Variants in ZBTB7C observed in about 807,000 individuals in gnomAD.
ZBTB7C encodes the protein zinc finger and BTB domain-containing protein 7C.
ZBTB7C carries 8 observed loss-of-function variants against 25.7 expected under a neutral mutation model. The observed-to-expected ratio is 0.31, with a 90% CI of 0.18 to 0.56. The LOEUF is 0.56. Among genes scored for constraint, ZBTB7C ranks in the 20% least tolerant of loss-of-function variants. ZBTB7C has a pLI of 0.91. For missense variants in ZBTB7C, 824 were observed against 855.2 expected, an observed-to-expected ratio of 0.96 and a Z score of 0.46; for synonymous variants, 394 against 369.0, an observed-to-expected ratio of 1.07 and a Z score of -0.78.
intron 2 of ZBTB7C, among the ~76,000 whole-genome samples, chr18:48,267,774 TAC>T (rs749622205): frequency 1.1e-4 from 17 of 152,120 alleles, no homozygotes; most frequent in Admixed American, 3.3e-4. Flanking sequence ...CCCTGACCCT[TAC>T]ACCACGTGAG....
intron 3 of ZBTB7C, among the ~76,000 whole-genome samples, chr18:48,184,801 G>A (rs1159940851): frequency 2.1e-5 from 3 of 140,470 alleles, no homozygotes; most frequent in East Asian, 2.2e-4. Context: ...GCCCTTGGCT[G>A]CAGCTGTGTG....
At chr18:48,336,849 T>G (rs1024751570) in intron 2 of ZBTB7C, among the ~76,000 whole-genome samples, 3 of 152,044 alleles carry the variant, frequency 2.0e-5, no homozygotes, top group African/African-American at 7.2e-5. Context: ...CTTGCCCCAC[T>G]GAGAGGTGGG....
intron 3 of ZBTB7C, among the ~76,000 whole-genome samples, chr18:48,114,485 C>T (rs6507813): frequency 0.41 from 62,452 of 151,772 alleles, 13,329 homozygotes; most frequent in Middle Eastern, 0.51. Flanking sequence ...CCTGTAATCC[C>T]AGCTACTCGG....
chr18:48,191,201 A>G (rs377352926), intron 2 of ZBTB7C, among the ~76,000 whole-genome samples: 49 of 152,212 alleles, frequency 3.2e-4, no homozygotes, highest in African/African-American at 9.9e-4. Context: ...GTGGAAGATG[A>G]GCACATGGCC....
chr18:48,388,112 C>T (rs1426840227), intron 1 of ZBTB7C, among the ~76,000 whole-genome samples: 2 of 152,180 alleles, frequency 1.3e-5, no homozygotes, highest in African/African-American at 4.8e-5. Flanking sequence ...CAGGCGTTAG[C>T]CACTGCACCT....
intron 3 of ZBTB7C, among the ~76,000 whole-genome samples, chr18:48,124,270 G>A (rs557668995): frequency 2.0e-5 from 3 of 152,344 alleles, no homozygotes; most frequent in East Asian, 1.9e-4. Context: ...GATGGCAGGC[G>A]GTGGGAATGG....
rs182972267 is a variant in ZBTB7C at position 48,069,479 on chromosome 18, G to C, written c.-16-28356C>G. On this transcript the variant is annotated intron_variant, in intron 3 of 4. Transcript: ENST00000590800. ...TCTTCTGTGTCTTCCCCTGGACTGT[G>C]AGCAGACAGAGGACAGGCTGGGCAT... 2.4e-3 allele frequency among the ~76,000 whole-genome samples: 364 copies of C among 152,290 alleles called. 1 individual carries two copies. Among genetic ancestry groups the C allele is most frequent in the Admixed American group, 5.3e-3 (81 of 15,304 alleles).
chr18:48,145,024 G>A (rs1450907443), intron 3 of ZBTB7C, among the ~76,000 whole-genome samples: 3 of 152,108 alleles, frequency 2.0e-5, no homozygotes, highest in Non-Finnish European at 4.4e-5. Flanking sequence ...CTTTGGGGAG[G>A]CCTCTGCTCT....
chr18:48,045,492 C>A (rs565416729), intron 3 of ZBTB7C, among the ~76,000 whole-genome samples: 1 of 152,316 alleles, frequency 6.6e-6, no homozygotes, highest in African/African-American at 2.4e-5. Flanking sequence ...ACAATGCTCC[C>A]CTCCAATGTG....
chr18:48,311,463 G>C (rs1473282773), intron 2 of ZBTB7C, among the ~76,000 whole-genome samples: 1 of 152,194 alleles, frequency 6.6e-6, no homozygotes, highest in African/African-American at 2.4e-5. Flanking sequence ...GCAATGTCTG[G>C]AGACATTTTT....
At chr18:48,245,105 C>CATATATATATATATATATATATAT (rs1568327234) in intron 2 of ZBTB7C, among the ~76,000 whole-genome samples, 2 of 122,716 alleles carry the variant, frequency 1.6e-5, no homozygotes, top group Non-Finnish European at 3.2e-5. Context: ...TATATATATA[C>CATATATATATATATATATATATAT]ACACACACAC....
chr18:48,038,724 C>T (rs888868963), intron 4 of ZBTB7C, among the ~76,000 whole-genome samples: 1 of 152,090 alleles, frequency 6.6e-6, no homozygotes, highest in African/African-American at 2.4e-5. Context: ...GCAGCAGCAC[C>T]GCCACCGGAA....
chr18:48,284,214 G>A (rs1039983109), intron 2 of ZBTB7C, among the ~76,000 whole-genome samples: 2 of 152,236 alleles, frequency 1.3e-5, no homozygotes, highest in South Asian at 4.1e-4. Context: ...CAGCACTCTG[G>A]GAGGCCAAGG....
intron 2 of ZBTB7C, among the ~76,000 whole-genome samples, chr18:48,245,485 T>C (rs1162784549): frequency 7.6e-5 from 5 of 65,932 alleles, no homozygotes; most frequent in Admixed American, 2.3e-4. Context: ...AAAAAATAGA[T>C]CAAGACACCA....
intron 2 of ZBTB7C, among the ~76,000 whole-genome samples, chr18:48,284,890 C>T (rs1245159371): frequency 6.6e-6 from 1 of 151,864 alleles, no homozygotes; most frequent in Non-Finnish European, 1.5e-5. Context: ...TCTCCTGAGC[C>T]TTGCTCTTGT....
chr18:48,175,690 C>CTGGTG (rs2041651646), intron 3 of ZBTB7C, among the ~76,000 whole-genome samples: 1 of 152,130 alleles, frequency 6.6e-6, no homozygotes, highest in African/African-American at 2.4e-5. Flanking sequence ...ATTACTGATG[C>CTGGTG]CAGGGCTGGT....
At chr18:48,098,607 T>C (rs928673366) in intron 3 of ZBTB7C, among the ~76,000 whole-genome samples, 3 of 152,170 alleles carry the variant, frequency 2.0e-5, no homozygotes, top group Non-Finnish European at 4.4e-5. Flanking sequence ...AATTTCCTTC[T>C]GTGGATTCTC....
chr18:48,282,082 T>C (rs1339678402), intron 2 of ZBTB7C, among the ~76,000 whole-genome samples: 17 of 148,928 alleles, frequency 1.1e-4, no homozygotes, highest in East Asian at 3.9e-4. Context: ...CAATGATAGA[T>C]TGGATTAAGA....
chr18:48,152,595 G>C (rs1263589172), intron 3 of ZBTB7C, among the ~76,000 whole-genome samples: 1 of 152,192 alleles, frequency 6.6e-6, no homozygotes, highest in Non-Finnish European at 1.5e-5. Context: ...GCATGAGAAG[G>C]AGATCATGGA....
Sources: gnomAD v4.1 joint callset for allele counts (sites outside exome capture counted in the v4.1 genomes callset) on GRCh38, gnomAD v4.1.1 for gene constraint, MANE v1.5 for transcripts, NCBI Gene and HGNC (gene_info 2026-07-23, HGNC 2026-07-21) for gene names.